Variants in POGLUT1 observed in about 807,000 individuals in gnomAD.
POGLUT1 encodes the protein protein O-glucosyltransferase 1, also known as 9630046K23Rik.
POGLUT1 carries 32 observed loss-of-function variants against 61.3 expected under a neutral mutation model. That is an observed-to-expected ratio of 0.52 (90% CI 0.39 to 0.70). The LOEUF (loss-of-function observed/expected upper bound fraction) is 0.70. Among genes scored for constraint, POGLUT1 ranks in the 30% least tolerant of loss-of-function variants. The pLI, the probability that POGLUT1 is intolerant of heterozygous loss-of-function variation, is 0.00. For synonymous variants in POGLUT1, 158 were observed against 158.2 expected (o/e 1.00, Z 0.01); for missense variants, 411 against 469.8 (o/e 0.87, Z 1.16).
Position 119,476,850 on chromosome 3 carries a change from T to A in POGLUT1, c.321-463T>A, listed in dbSNP as rs183382171. ...GTAATGAAAGGTTTTCTATCTGTTC[T>A]CATAAACTAGGAGACTTAATTATAA... On this transcript the variant is annotated intron_variant, in intron 3 of 10. Coordinates refer to ENST00000295588, the MANE Select transcript of POGLUT1 (RefSeq NM_152305.3). 3.4e-3 allele frequency among the ~76,000 whole-genome samples: 515 copies of A among 152,334 alleles called. 7 individuals are homozygous for A. The South Asian group carries it at 0.043, about 13-fold the overall frequency.
In POGLUT1 at chr3:119,481,913, G is replaced by T. The variant is rs112752398; in HGVS notation, c.578+1741G>T. Among the ~76,000 whole-genome samples the T allele has an allele frequency of 2.6e-5, 4 of 152,014 alleles. No homozygotes were observed. In the East Asian group the frequency reaches 5.8e-4, roughly 22 times the overall value. ...TTTGAGAGGGGGGGAAAAAGGTGTG[G>T]TTTTTTTGTTTCTTGGTTGTTTTTT... On this transcript the variant is annotated intron_variant, in intron 5 of 10. Transcript: ENST00000295588.
At chr3:119,490,519 G>A in intron 8 of POGLUT1, 32 bp from the exon 9 acceptor site, 10 of 1,593,504 alleles carry the variant, frequency 6.3e-6, no homozygotes, top group Non-Finnish European at 8.6e-6. Flanking sequence ...CAGGCATATA[G>A]TATCAAATGT....
intron 5 of POGLUT1, among the ~76,000 whole-genome samples, chr3:119,481,962 T>C (rs1279499167): frequency 3.3e-5 from 5 of 152,348 alleles, no homozygotes; most frequent in African/African-American, 1.2e-4. Flanking sequence ...GAGACAGGTC[T>C]TGCTATGTTT....
intron 2 of POGLUT1, 79 bp downstream of exon 2, chr3:119,469,989 G>T: frequency 1.2e-6 from 1 of 857,720 alleles, no homozygotes; most frequent in Non-Finnish European, 2.0e-6. Context: ...GAGAGATTTT[G>T]GTTGCAGTGG....
At chr3:119,478,986 G>A (rs746352712) in intron 4 of POGLUT1, among the ~76,000 whole-genome samples, 5 of 151,546 alleles carry the variant, frequency 3.3e-5, no homozygotes, top group Admixed American at 6.6e-5. Context: ...GTGCAGTGGC[G>A]CGATCTCAGC....
At chr3:119,484,564 A>G (rs992253499) in intron 5 of POGLUT1, among the ~76,000 whole-genome samples, 8 of 152,236 alleles carry the variant, frequency 5.3e-5, no homozygotes, top group Non-Finnish European at 1.2e-4. Flanking sequence ...TTCAAATATC[A>G]AACTAAATCT....
At chr3:119,469,584 A>G (rs1198427568) in intron 1 of POGLUT1, among the ~76,000 whole-genome samples, 1 of 152,208 alleles carries the variant, frequency 6.6e-6, no homozygotes, top group African/African-American at 2.4e-5. Flanking sequence ...AGGGTTGAGC[A>G]TTAAGCTTGG....
intron 4 of POGLUT1, among the ~76,000 whole-genome samples, chr3:119,479,264 C>G (rs891737025): frequency 6.6e-6 from 1 of 152,074 alleles, no homozygotes; most frequent in African/African-American, 2.4e-5. Flanking sequence ...GATAACACCC[C>G]TTCTCATTTT....
At chr3:119,473,857 C>T (rs915023046) in intron 3 of POGLUT1, among the ~76,000 whole-genome samples, 2 of 152,008 alleles carry the variant, frequency 1.3e-5, no homozygotes, top group African/African-American at 2.4e-5. Context: ...GACGGGGTTT[C>T]ACCTCGTTCG....
chr3:119,491,445 C>A, intron 9 of POGLUT1, 73 bp from the exon 10 acceptor site: 1 of 673,164 alleles, frequency 1.5e-6, no homozygotes, highest in Admixed American at 2.7e-5. Context: ...AGACCTCAAT[C>A]TATATCGTCT....
chr3:119,475,920 A>T (rs1338675171), intron 3 of POGLUT1, among the ~76,000 whole-genome samples: 2 of 151,668 alleles, frequency 1.3e-5, no homozygotes, highest in Non-Finnish European at 2.9e-5. Context: ...CAAGAGTTCA[A>T]GATCAGTCTG....
At chr3:119,469,244 G>C (rs1207177744) in intron 1 of POGLUT1, 138 bp downstream of exon 1, 2 of 686,206 alleles carry the variant, frequency 2.9e-6, no homozygotes, top group Non-Finnish European at 5.1e-6. Context: ...GCACCGGGGC[G>C]CCTTGCGGCG....
rs146897943 is a variant in POGLUT1 at position 119,492,492 on chromosome 3, C to A, written c.*54C>A. On this transcript the variant is annotated 3_prime_UTR_variant, in exon 11 of 11. Transcript: ENST00000295588. ...GTGGCAACAGATCTCAGATATCCTA[C>A]GGTGAGAAGCTTACCATAAGCTTGG... The A allele has an allele frequency of 1.6e-6, 2 of 1,215,326 alleles. No homozygotes were observed. The highest frequency in any genetic ancestry group is 2.6e-5 in the East Asian group (1 of 38,954). 75.3% of individuals were successfully genotyped at this position (1,215,326 alleles called of 1,614,324 possible). A position where few individuals can be genotyped will look rare whatever the true frequency, so the allele number is the denominator to read the frequency against.
chr3:119,486,279 C>T (rs960989727), intron 6 of POGLUT1, among the ~76,000 whole-genome samples: 1 of 152,152 alleles, frequency 6.6e-6, no homozygotes, highest in Non-Finnish European at 1.5e-5. Context: ...TAGTTCTTAA[C>T]AGATTATCAA....
chr3:119,473,918 C>T (rs2081506618), intron 3 of POGLUT1, among the ~76,000 whole-genome samples: 1 of 152,166 alleles, frequency 6.6e-6, no homozygotes, highest in Non-Finnish European at 1.5e-5. Flanking sequence ...CTCGGCCTCC[C>T]AAAGTGCTGG....
At chr3:119,477,489 C>T in intron 4 of POGLUT1, 41 bp downstream of exon 4, 2 of 1,584,776 alleles carry the variant, frequency 1.3e-6, no homozygotes, top group Non-Finnish European at 1.7e-6. Context: ...GGAGAGTGGT[C>T]CTCTAGGATA....
intron 10 of POGLUT1, among the ~76,000 whole-genome samples, chr3:119,492,062 AAAT>A (rs2081755014): frequency 2.0e-5 from 3 of 151,800 alleles, no homozygotes; most frequent in African/African-American, 7.3e-5. Context: ...CTCAAAAAAT[AAAT>A]AAATAAATAA....
chr3:119,493,926 C>A lies in POGLUT1; in HGVS notation c.*1488C>A, dbSNP rs1183143955. The stretch of plus-strand genomic sequence containing the variant: ...GAGTCGTACTATGGTTTTGCCTTGT[C>A]ACTGTGAGGCCCTACTAGGTGTAAG... On this transcript the variant is annotated 3_prime_UTR_variant, in exon 11 of 11. Transcript: ENST00000295588. 2.0e-5 allele frequency: 3 copies of A among 148,354 alleles called. No homozygotes were observed. Among genetic ancestry groups the A allele is most frequent in the East Asian group, 2.0e-4 (1 of 5,050 alleles). 9.2% of individuals were successfully genotyped at this position (148,354 alleles called of 1,614,324 possible).
chr3:119,486,874 A>G lies in POGLUT1; in HGVS notation c.680A>G (p.Lys227Arg), dbSNP rs1401205444. The G allele has an allele frequency of 1.2e-6, 2 of 1,614,034 alleles. No individual in the cohort carries two copies. The highest frequency in any genetic ancestry group is 2.2e-5 in the East Asian group (1 of 44,884). ...ERDPLILLSR[K>R]NPKLVDAEYT... ...GATCCTCTCATTCTTCTGTCTCGGAAAAACCCAAAACTTGTTGATGCAGAA... is the reference window on the plus strand; with the variant it reads ...GATCCTCTCATTCTTCTGTCTCGGAGAAACCCAAAACTTGTTGATGCAGAA... The change falls in exon 7 of 11, where the codon AAA (lysine) becomes AGA (arginine). Residue 227 changes from lysine (K) to arginine (R), a missense_variant. Transcript: ENST00000295588.
Sources: gnomAD v4.1 joint callset for allele counts (sites outside exome capture counted in the v4.1 genomes callset) on GRCh38, gnomAD v4.1.1 for gene constraint, MANE v1.5 for transcripts, NCBI Gene and HGNC (gene_info 2026-07-23, HGNC 2026-07-21) for gene names.